PPM1H: variants seen among roughly 807,000 people sequenced by gnomAD.
PPM1H encodes the protein protein phosphatase, Mg2+/Mn2+ dependent 1H.
A neutral mutation model predicts 54.9 loss-of-function variants in PPM1H; 27 were observed. That is an observed-to-expected ratio of 0.49 (90% CI 0.36 to 0.68). The LOEUF (loss-of-function observed/expected upper bound fraction) is 0.68, where lower values mean the gene tolerates loss of function less well. PPM1H is among the 30% of genes least tolerant of loss of function. The probability of loss-of-function intolerance (pLI) is 0.00; values close to 1 mark genes in which losing one functional copy is unlikely to be tolerated. For synonymous variants in PPM1H, 305 were observed against 270.8 expected, an observed-to-expected ratio of 1.13 and a Z score of -1.24; for missense variants, 596 against 667.8, an observed-to-expected ratio of 0.89 and a Z score of 1.19.
chr12:62,797,502 A>C (rs1256418447), intron 3 of PPM1H, among the ~76,000 whole-genome samples: 1 of 152,210 alleles, frequency 6.6e-6, no homozygotes, highest in Admixed American at 6.5e-5. Flanking sequence ...GCGGTGAAAA[A>C]AAAAGTTTAG....
chr12:62,660,526 AG>A (rs2075876936), intron 9 of PPM1H, among the ~76,000 whole-genome samples: 1 of 152,208 alleles, frequency 6.6e-6, no homozygotes, highest in Non-Finnish European at 1.5e-5. Context: ...AGAACCTGGA[AG>A]TAAATCCATG....
chr12:62,821,141 C>G (rs2076901083), intron 2 of PPM1H, among the ~76,000 whole-genome samples: 1 of 151,982 alleles, frequency 6.6e-6, no homozygotes, highest in Admixed American at 6.6e-5. Flanking sequence ...GCTTCGATAG[C>G]CAATTCGATC....
Position 62,893,151 on chromosome 12 carries a change from T to C in PPM1H, c.245+41341A>G, listed in dbSNP as rs557630305. On this transcript the variant is annotated intron_variant, in intron 1 of 9. Transcript: ENST00000228705. ...AAAAGAGTTTTAAAATAAGAAAATA[T>C]GTGACAGAGATCGTATGGGCCCCAA... Among the ~76,000 whole-genome samples, 6 of 152,336 alleles carry C rather than the reference T, an allele frequency of 3.9e-5. No individual in the cohort carries two copies. The South Asian group carries it at 6.2e-4, about 16-fold the overall frequency.
chr12:62,793,905 T>G (rs2076716083), intron 3 of PPM1H, among the ~76,000 whole-genome samples: 1 of 152,110 alleles, frequency 6.6e-6, no homozygotes, highest in Non-Finnish European at 1.5e-5. Flanking sequence ...TCCTACCAAT[T>G]TCAGGTTGCA....
intron 6 of PPM1H, among the ~76,000 whole-genome samples, chr12:62,712,475 A>G (rs1035151324): frequency 2.0e-5 from 3 of 152,212 alleles, no homozygotes; most frequent in African/African-American, 7.2e-5. Context: ...AAGCCTCCCC[A>G]TGAGGTAGGT....
At position 62,822,222 on chromosome 12, in the gene PPM1H, T is replaced by G. The variant is rs540203545; in HGVS notation, c.411+9892A>C. ...AAGAGCTAACTGTCCTAAATATATA[T>G]GCACCCAATACAGGAGCACCCAGAT... On this transcript the variant is annotated intron_variant, in intron 2 of 9. Coordinates refer to ENST00000228705, the MANE Select transcript of PPM1H (RefSeq NM_020700.2). Among the ~76,000 whole-genome samples the G allele has an allele frequency of 2.7e-3, 417 of 152,264 alleles. 4 individuals are homozygous for G. Among genetic ancestry groups the G allele is most frequent in the Non-Finnish European group, 4.5e-3 (309 of 68,018 alleles).
At chr12:62,692,848 T>C (rs2076090179) in intron 7 of PPM1H, among the ~76,000 whole-genome samples, 2 of 152,098 alleles carry the variant, frequency 1.3e-5, no homozygotes, top group African/African-American at 4.8e-5. Flanking sequence ...CCTCCTTCTG[T>C]TGAGATGTCT....
chr12:62,680,419 G>A (rs963884770), intron 8 of PPM1H, among the ~76,000 whole-genome samples: 2 of 151,990 alleles, frequency 1.3e-5, no homozygotes, highest in Non-Finnish European at 2.9e-5. Flanking sequence ...CTGGGCTCAG[G>A]CAATCCTCCT....
At chr12:62,767,599 C>T (rs1324293456) in intron 4 of PPM1H, among the ~76,000 whole-genome samples, 1 of 152,148 alleles carries the variant, frequency 6.6e-6, no homozygotes. Context: ...CCAAAGCCAT[C>T]CTGGTTTGTC....
Position 62,691,810 on chromosome 12 carries a change from C to CAAAA in PPM1H, c.1138-2008_1138-2005dup, listed in dbSNP as rs34984420. Among the ~76,000 whole-genome samples, 111 of 127,798 alleles carry CAAAA rather than the reference C, an allele frequency of 8.7e-4. 2 individuals are homozygous for CAAAA. The highest frequency in any genetic ancestry group is 2.1e-3 in the African/African-American group (72 of 35,030). 83.8% of individuals were successfully genotyped at this position (127,798 alleles called of 152,430 possible). ...CGTACTCCAGCCTGATGCCATGTCT[C>CAAAA]AAAAAAAAAAAAAAAAAGTGATGCA... On this transcript the variant is annotated intron_variant, in intron 7 of 9. Coordinates refer to ENST00000228705, the MANE Select transcript of PPM1H (RefSeq NM_020700.2).
chr12:62,686,115 C>T (rs984450963), intron 8 of PPM1H, among the ~76,000 whole-genome samples: 2 of 152,206 alleles, frequency 1.3e-5, no homozygotes, highest in Non-Finnish European at 2.9e-5. Context: ...TATCATTCAG[C>T]GAGGTGACAT....
chr12:62,821,109 G>A (rs561412913), intron 2 of PPM1H, among the ~76,000 whole-genome samples: 1 of 152,132 alleles, frequency 6.6e-6, no homozygotes, highest in South Asian at 2.1e-4. Flanking sequence ...CGTGGCAAGA[G>A]AACTACGTAA....
chr12:62,882,072 C>T (rs1451584794), intron 1 of PPM1H, among the ~76,000 whole-genome samples: 1 of 152,214 alleles, frequency 6.6e-6, no homozygotes, highest in African/African-American at 2.4e-5. Flanking sequence ...AAGTCAAATA[C>T]TGGAAACTGT....
At chr12:62,834,292 C>T (rs1229739564) in intron 1 of PPM1H, among the ~76,000 whole-genome samples, 2 of 152,010 alleles carry the variant, frequency 1.3e-5, no homozygotes, top group South Asian at 2.1e-4. Context: ...CCTCTTTCCT[C>T]TAAGGAAAGA....
intron 1 of PPM1H, among the ~76,000 whole-genome samples, chr12:62,845,108 A>G (rs894874424): frequency 1.6e-4 from 24 of 152,250 alleles, no homozygotes; most frequent in Admixed American, 2.6e-4. Context: ...GAGGGCCAGG[A>G]TGGCTCTTTT....
intron 3 of PPM1H, among the ~76,000 whole-genome samples, chr12:62,797,562 C>T (rs1482216123): frequency 6.6e-6 from 1 of 152,156 alleles, no homozygotes; most frequent in Non-Finnish European, 1.5e-5. Context: ...GCTGTGTGAA[C>T]TGTCCTCGGG....
intron 2 of PPM1H, among the ~76,000 whole-genome samples, chr12:62,803,455 T>C (rs1427127889): frequency 6.6e-6 from 1 of 151,974 alleles, no homozygotes; most frequent in Non-Finnish European, 1.5e-5. Context: ...GAAAGAAGAG[T>C]GTCTGCAATA....
At chr12:62,709,076 T>C (rs73127933) in intron 6 of PPM1H, among the ~76,000 whole-genome samples, 33 of 152,302 alleles carry the variant, frequency 2.2e-4, no homozygotes, top group Non-Finnish European at 4.1e-4. Context: ...TGTAATTACC[T>C]AGTTTCATGG....
Position 62,645,391 on chromosome 12 carries a change from T to C in PPM1H, c.*3098A>G, listed in dbSNP as rs1230052876. Reference sequence around the variant, plus strand: ...CTCCAAAATGGAATACTGTGGAAAATAACTGAAATTTCCACTGCTTAAGGC... The same window carrying C: ...CTCCAAAATGGAATACTGTGGAAAACAACTGAAATTTCCACTGCTTAAGGC... On this transcript the variant is annotated 3_prime_UTR_variant, in exon 10 of 10. Coordinates refer to ENST00000228705, the MANE Select transcript of PPM1H (RefSeq NM_020700.2). 1 of 152,156 alleles carries C rather than the reference T, an allele frequency of 6.6e-6. No individual in the cohort carries two copies. Among genetic ancestry groups the C allele is most frequent in the African/African-American group, 2.4e-5 (1 of 41,434 alleles). 9.4% of individuals were successfully genotyped at this position (152,156 alleles called of 1,614,324 possible). A position where few individuals can be genotyped will look rare whatever the true frequency, so the allele number is the denominator to read the frequency against.
Sources: allele counts gnomAD v4.1 joint callset (sites outside exome capture counted in the v4.1 genomes callset), GRCh38; gene constraint gnomAD v4.1.1; transcripts MANE v1.5; gene names NCBI Gene and HGNC (gene_info 2026-07-23, HGNC 2026-07-21).